PDE10A: variants seen among roughly 807,000 people sequenced by gnomAD.
PDE10A encodes phosphodiesterase 10A.
Under a neutral mutation model 97.7 loss-of-function variants are expected in PDE10A, and 39 were observed. The observed-to-expected ratio is 0.40, with a 90% CI of 0.31 to 0.52. The LOEUF (loss-of-function observed/expected upper bound fraction) is 0.52, where lower values mean the gene tolerates loss of function less well. PDE10A is among the 20% of genes least tolerant of loss of function. The pLI is 0.56. For synonymous variants in PDE10A, 371 were observed against 376.8 expected (o/e 0.98, Z 0.18); for missense variants, 731 against 1,047.8 (o/e 0.70, Z 4.17).
rs370104257 is a variant in PDE10A, at chr6:165,528,258, C to T, written c.994+15182G>A. ...GTGAGTGCTCACCAATGGGTGACCT[C>T]AGCAGAGGAGGAGTTTAGTAATCAA... On this transcript the variant is annotated intron_variant, in intron 2 of 21. Transcript: ENST00000539869. 1.1e-4 allele frequency among the ~76,000 whole-genome samples: 17 copies of T among 152,328 alleles called. 1 individual carries two copies. Among genetic ancestry groups the T allele is most frequent in the African/African-American group, 4.1e-4 (17 of 41,574 alleles).
intron 1 of PDE10A, among the ~76,000 whole-genome samples, chr6:165,743,735 A>G (rs568174174): frequency 1.3e-5 from 2 of 152,378 alleles, no homozygotes; most frequent in East Asian, 3.9e-4. Flanking sequence ...AGCAGCAACC[A>G]CAAAGCTAAT....
intron 1 of PDE10A, among the ~76,000 whole-genome samples, chr6:165,938,514 C>T (rs149656197): frequency 5.3e-5 from 8 of 152,236 alleles, no homozygotes; most frequent in East Asian, 3.9e-4. Context: ...CAACTGAGGG[C>T]GCCAAGGGAC....
intron 1 of PDE10A, among the ~76,000 whole-genome samples, chr6:165,845,322 A>G (rs979333304): frequency 6.6e-6 from 1 of 152,254 alleles, no homozygotes; most frequent in African/African-American, 2.4e-5. Context: ...AATTATCACA[A>G]ATGGCAATCT....
At chr6:165,432,831 T>C (rs900044439) in intron 7 of PDE10A, 143 bp downstream of exon 7, 6 of 615,256 alleles carry the variant, frequency 9.8e-6, no homozygotes, top group African/African-American at 1.8e-5. Flanking sequence ...TTATCATTAG[T>C]ATCAAAACAC....
intron 1 of PDE10A, among the ~76,000 whole-genome samples, chr6:165,573,561 C>T (rs1785156512): frequency 6.6e-6 from 1 of 152,072 alleles, no homozygotes; most frequent in South Asian, 2.1e-4. Context: ...TGAACTATGC[C>T]TTTCATCAAA....
chr6:165,955,927 G>T (rs1784122564), intron 1 of PDE10A, among the ~76,000 whole-genome samples: 1 of 152,140 alleles, frequency 6.6e-6, no homozygotes, highest in Non-Finnish European at 1.5e-5. Context: ...TACAGAAGAA[G>T]CATCTTGTAT....
At chr6:165,911,148 C>T (rs371409344) in intron 1 of PDE10A, among the ~76,000 whole-genome samples, 5 of 152,244 alleles carry the variant, frequency 3.3e-5, no homozygotes, top group Admixed American at 6.5e-5. Flanking sequence ...TTTGCCATTA[C>T]TTTTGTACCA....
chr6:165,403,366 G>A (rs770739625), intron 13 of PDE10A, among the ~76,000 whole-genome samples: 9 of 152,246 alleles, frequency 5.9e-5, no homozygotes, highest in Admixed American at 1.3e-4. Flanking sequence ...TCATTATGGC[G>A]CATGGGTAGC....
intron 19 of PDE10A, among the ~76,000 whole-genome samples, chr6:165,339,717 C>T (rs1396065728): frequency 1.3e-5 from 2 of 152,202 alleles, no homozygotes; most frequent in Non-Finnish European, 2.9e-5. Context: ...AAATGATCTT[C>T]CAAGTGCATG....
intron 1 of PDE10A, 44 bp from the exon 2 acceptor site, chr6:165,543,612 C>G: frequency 6.7e-7 from 1 of 1,492,682 alleles, no homozygotes; most frequent in Non-Finnish European, 9.2e-7. Context: ...ATACAACATC[C>G]TCATATCAAT....
At chr6:165,590,557 T>G (rs1198549053) in intron 1 of PDE10A, among the ~76,000 whole-genome samples, 2 of 152,254 alleles carry the variant, frequency 1.3e-5, no homozygotes, top group African/African-American at 4.8e-5. Context: ...GTACTTCATG[T>G]AATTCCAAAT....
intron 1 of PDE10A, among the ~76,000 whole-genome samples, chr6:165,861,815 G>A (rs1473848884): frequency 6.6e-6 from 1 of 152,164 alleles, no homozygotes. Flanking sequence ...AGGAGCAAGA[G>A]CCTCCTCTCT....
chr6:165,672,297 G>T (rs931854133), intron 1 of PDE10A, among the ~76,000 whole-genome samples: 1 of 152,286 alleles, frequency 6.6e-6, no homozygotes, highest in South Asian at 2.1e-4. Flanking sequence ...CACATCATAA[G>T]CTGAAAATAT....
intron 1 of PDE10A, among the ~76,000 whole-genome samples, chr6:165,849,760 G>A (rs1391005245): frequency 6.6e-6 from 1 of 152,086 alleles, no homozygotes; most frequent in African/African-American, 2.4e-5. Context: ...CAGATGGGGC[G>A]GGGATTTTTC....
intron 2 of PDE10A, among the ~76,000 whole-genome samples, chr6:165,497,291 CAGTGAG>C (rs1379537029): frequency 6.6e-6 from 1 of 152,156 alleles, no homozygotes; most frequent in Non-Finnish European, 1.5e-5. Context: ...CCATCACCAT[CAGTGAG>C]AGTAACACGA....
In PDE10A at chr6:165,422,482, C is replaced by T. The variant is rs12179227; in HGVS notation, c.1654-3705G>A. On this transcript the variant is annotated intron_variant, in intron 10 of 21. Coordinates refer to ENST00000539869, the MANE Select transcript of PDE10A (RefSeq NM_001385079.1). ...ACACAGGCATACACACATACGCATA[C>T]ACACCTATGCATACGTTTACCTATA... Among the ~76,000 whole-genome samples, 12 of 148,316 alleles carry T rather than the reference C, an allele frequency of 8.1e-5. 1 individual carries two copies. The highest frequency in any genetic ancestry group is 1.3e-4 in the Non-Finnish European group (9 of 66,752).
At chr6:165,712,631 CTTTTTTTT>C (rs71675206) in intron 1 of PDE10A, among the ~76,000 whole-genome samples, 9 of 88,946 alleles carry the variant, frequency 1.0e-4, no homozygotes, top group Admixed American at 1.5e-4. Context: ...AACTTTCTTT[CTTTTTTTT>C]TTTTTTTTTT....
chr6:165,952,114 C>A (rs1783982752), intron 1 of PDE10A, among the ~76,000 whole-genome samples: 1 of 152,230 alleles, frequency 6.6e-6, no homozygotes, highest in African/African-American at 2.4e-5. Flanking sequence ...CTTTCCCAGT[C>A]TGTGCATCTA....
chr6:165,382,022 C>A (rs542842095), intron 17 of PDE10A, among the ~76,000 whole-genome samples: 24 of 152,194 alleles, frequency 1.6e-4, no homozygotes, highest in African/African-American at 5.8e-4. Context: ...CTAGTTGATT[C>A]CATTTTGCAT....
Sources: allele counts gnomAD v4.1 joint callset (sites outside exome capture counted in the v4.1 genomes callset), GRCh38; gene constraint gnomAD v4.1.1; transcripts MANE v1.5; gene names NCBI Gene and HGNC (gene_info 2026-07-23, HGNC 2026-07-21).